Variants in PPP1CB observed in about 807,000 individuals in gnomAD.
PPP1CB encodes the protein serine/threonine-protein phosphatase PP1-beta catalytic subunit.
Under a neutral mutation model 43.7 loss-of-function variants are expected in PPP1CB, and 2 were observed. That is an observed-to-expected ratio of 0.05 (90% CI 0.02 to 0.14). The LOEUF is 0.14. PPP1CB is among the 10% of genes least tolerant of loss of function. The probability of loss-of-function intolerance (pLI) is 1.00; values close to 1 mark genes in which losing one functional copy is unlikely to be tolerated. For missense variants in PPP1CB, 84 were observed against 398.0 expected, an observed-to-expected ratio of 0.21 and a Z score of 6.71; for synonymous variants, 136 against 135.6, an observed-to-expected ratio of 1.00 and a Z score of -0.02.
At chr2:28,766,057 T>C (rs1216748066) in intron 1 of PPP1CB, among the ~76,000 whole-genome samples, 1 of 152,226 alleles carries the variant, frequency 6.6e-6, no homozygotes, top group Non-Finnish European at 1.5e-5. Context: ...GGAGCTTTCA[T>C]TCTATTTTGT....
chr2:28,797,300 G>C (rs1012475992), intron 7 of PPP1CB, among the ~76,000 whole-genome samples: 4 of 152,128 alleles, frequency 2.6e-5, no homozygotes, highest in South Asian at 4.1e-4. Context: ...AGTTAGGGGG[G>C]AGGTCCTCTT....
chr2:28,781,670 G>A (rs1667160444), intron 3 of PPP1CB, 68 bp from the exon 4 acceptor site: 1 of 1,062,148 alleles, frequency 9.4e-7, no homozygotes, highest in East Asian at 2.5e-5. Flanking sequence ...TCATAATCCT[G>A]CGGCTTTGAG....
At position 28,783,990 on chromosome 2, in the gene PPP1CB, GAGA is replaced by G. The variant is rs750013897; in HGVS notation, c.592+15_592+17del. The G allele has an allele frequency of 6.3e-7, 1 of 1,583,814 alleles. No individual in the cohort carries two copies. Among genetic ancestry groups the G allele is most frequent in the Admixed American group, 1.7e-5 (1 of 59,564 alleles). Reference sequence around the variant, plus strand: ...TGTCCCTGATACAGGTAAGTGTAGAGAGAAGTTTAATTGTTTTGTGTAAAGTGT... The same window carrying G: ...TGTCCCTGATACAGGTAAGTGTAGAGAGTTTAATTGTTTTGTGTAAAGTGT... On this transcript the variant is annotated intron_variant, in intron 5 of 7. Transcript: ENST00000395366.
At chr2:28,785,887 G>A (rs1320056497) in intron 5 of PPP1CB, among the ~76,000 whole-genome samples, 2 of 151,982 alleles carry the variant, frequency 1.3e-5, no homozygotes. Context: ...CAGAATATCT[G>A]TTTATAGTTC....
chr2:28,769,340 G>A (rs1273962301), intron 1 of PPP1CB, among the ~76,000 whole-genome samples: 5 of 152,142 alleles, frequency 3.3e-5, no homozygotes, highest in African/African-American at 9.7e-5. Context: ...GGGTTCAAGC[G>A]ATTCTCCTGC....
At chr2:28,771,201 C>T (rs970474061) in intron 1 of PPP1CB, among the ~76,000 whole-genome samples, 1 of 151,926 alleles carries the variant, frequency 6.6e-6, no homozygotes, top group African/African-American at 2.4e-5. Context: ...TTACAGGCAC[C>T]TGCCATCACG....
At chr2:28,770,709 T>G (rs988590765) in intron 1 of PPP1CB, among the ~76,000 whole-genome samples, 16 of 152,144 alleles carry the variant, frequency 1.1e-4, no homozygotes, top group Non-Finnish European at 1.5e-5. Flanking sequence ...GATAAAGATT[T>G]GAACAACACA....
At chr2:28,783,048 T>G (rs1310541485) in intron 4 of PPP1CB, among the ~76,000 whole-genome samples, 1 of 152,228 alleles carries the variant, frequency 6.6e-6, no homozygotes, top group Admixed American at 6.5e-5. Context: ...GGATTGCCTA[T>G]CAGAGAGAAA....
At chr2:28,796,095 G>A (rs1274521723) in intron 7 of PPP1CB, among the ~76,000 whole-genome samples, 1 of 152,110 alleles carries the variant, frequency 6.6e-6, no homozygotes, top group East Asian at 1.9e-4. Context: ...AGATCAGATG[G>A]TTGCAGGAGT....
chr2:28,790,335 C>A (rs1667360884), intron 6 of PPP1CB, among the ~76,000 whole-genome samples: 1 of 151,906 alleles, frequency 6.6e-6, no homozygotes, highest in Non-Finnish European at 1.5e-5. Context: ...ATTATTTAAT[C>A]TTTTAATTTT....
At chr2:28,788,057 C>T (rs1234796006) in intron 5 of PPP1CB, among the ~76,000 whole-genome samples, 1 of 151,580 alleles carries the variant, frequency 6.6e-6, no homozygotes, top group African/African-American at 2.4e-5. Context: ...AGATCAAATA[C>T]AATTCCAGTG....
chr2:28,757,681 C>T (rs1332370018), intron 1 of PPP1CB, among the ~76,000 whole-genome samples: 2 of 152,152 alleles, frequency 1.3e-5, no homozygotes, highest in Admixed American at 6.6e-5. Flanking sequence ...GGATGAGATA[C>T]TAGAGGAGAC....
chr2:28,753,768 C>G (rs372760434), intron 1 of PPP1CB, among the ~76,000 whole-genome samples: 1 of 152,100 alleles, frequency 6.6e-6, no homozygotes, highest in East Asian at 1.9e-4. Context: ...GAGTCTCACT[C>G]TGTCGCCCAG....
At chr2:28,756,396 T>G (rs982523752) in intron 1 of PPP1CB, among the ~76,000 whole-genome samples, 1 of 152,248 alleles carries the variant, frequency 6.6e-6, no homozygotes, top group South Asian at 2.1e-4. Flanking sequence ...ACCTGTCAGA[T>G]GTCTGAATTT....
At chr2:28,760,433 T>TA (rs1313713809) in intron 1 of PPP1CB, among the ~76,000 whole-genome samples, 1 of 152,268 alleles carries the variant, frequency 6.6e-6, no homozygotes, top group Non-Finnish European at 1.5e-5. Context: ...CACATTGTGT[T>TA]ACAGTAGCCT....
chr2:28,755,689 A>G (rs771149020), intron 1 of PPP1CB, among the ~76,000 whole-genome samples: 5 of 152,208 alleles, frequency 3.3e-5, no homozygotes, highest in Non-Finnish European at 5.9e-5. Flanking sequence ...ACTTCATTCA[A>G]ACTATAAGTG....
intron 1 of PPP1CB, among the ~76,000 whole-genome samples, chr2:28,754,743 A>T (rs973244052): frequency 6.6e-6 from 1 of 152,210 alleles, no homozygotes; most frequent in African/African-American, 2.4e-5. Context: ...TTTCAGTGAT[A>T]TTAGATGCTA....
At chr2:28,793,556 T>G (rs1667431335) in intron 6 of PPP1CB, among the ~76,000 whole-genome samples, 1 of 152,350 alleles carries the variant, frequency 6.6e-6, no homozygotes, top group South Asian at 2.1e-4. Flanking sequence ...CCCAGCTCCC[T>G]GTAGTCATGA....
chr2:28,776,840 T>C lies in PPP1CB; in HGVS notation c.53-11T>C, dbSNP rs1317648463. 1.3e-6 allele frequency: 2 copies of C among 1,590,004 alleles called. No individual in the cohort carries two copies. The highest frequency in any genetic ancestry group is 3.4e-5 in the Admixed American group (2 of 58,770). On this transcript the variant is annotated splice_polypyrimidine_tract_variant and intron_variant, in intron 1 of 7. Coordinates refer to ENST00000395366, the MANE Select transcript of PPP1CB (RefSeq NM_002709.3). ...TTTAGAAAACTGACTGTTTTATTTA[T>C]CGTTTGTCAGTACGAGGATGTCGTC...
Sources: allele counts gnomAD v4.1 joint callset (sites outside exome capture counted in the v4.1 genomes callset), GRCh38; gene constraint gnomAD v4.1.1; transcripts MANE v1.5; gene names NCBI Gene and HGNC (gene_info 2026-07-23, HGNC 2026-07-21).